C10orf90: variants seen among roughly 807,000 people sequenced by gnomAD.
The protein encoded by C10orf90 is chromosome 10 open reading frame 90.
In C10orf90, 56 loss-of-function variants were observed where a neutral mutation model predicts 62.5. That is an observed-to-expected ratio of 0.90 (90% CI 0.72 to 1.12). The LOEUF is 1.12. Among genes scored for constraint, C10orf90 ranks in the 50% most tolerant of loss-of-function variants. C10orf90 has a pLI of 0.00. For synonymous variants in C10orf90, 386 were observed against 340.4 expected (o/e 1.13, Z -1.47); for missense variants, 970 against 880.4 (o/e 1.10, Z -1.29).
chr10:126,609,129 G>A (rs1474277667), intron 2 of C10orf90, among the ~76,000 whole-genome samples: 6 of 152,170 alleles, frequency 3.9e-5, no homozygotes, highest in Non-Finnish European at 8.8e-5. Flanking sequence ...CAGGCCAGGC[G>A]TGGTGGCTCA....
At chr10:126,475,885 A>G (rs956594730) in intron 4 of C10orf90, among the ~76,000 whole-genome samples, 1 of 152,116 alleles carries the variant, frequency 6.6e-6, no homozygotes, top group African/African-American at 2.4e-5. Context: ...TCCCCTTTCT[A>G]ATATGTTTTT....
intron 1 of C10orf90, among the ~76,000 whole-genome samples, chr10:126,667,309 C>T (rs972413718): frequency 1.3e-5 from 2 of 152,072 alleles, no homozygotes; most frequent in Non-Finnish European, 2.9e-5. Context: ...CCACCCACCT[C>T]AGCCTCCCAA....
chr10:126,569,170 G>T (rs532707392), intron 2 of C10orf90, among the ~76,000 whole-genome samples: 1 of 152,172 alleles, frequency 6.6e-6, no homozygotes, highest in East Asian at 1.9e-4. Context: ...AATTCCAAGC[G>T]TGGCTGCCAG....
At chr10:126,522,518 G>A (rs1418331525) in intron 2 of C10orf90, among the ~76,000 whole-genome samples, 3 of 152,196 alleles carry the variant, frequency 2.0e-5, no homozygotes, top group Non-Finnish European at 4.4e-5. Context: ...AAATTTCACT[G>A]GATAATCTCA....
chr10:126,535,508 C>G (rs1284606295), intron 2 of C10orf90, among the ~76,000 whole-genome samples: 1 of 125,486 alleles, frequency 8.0e-6, no homozygotes, highest in Non-Finnish European at 1.7e-5. Flanking sequence ...CAGAGCCAGA[C>G]GCTGTCTCAA....
intron 1 of C10orf90, among the ~76,000 whole-genome samples, chr10:126,666,701 A>T (rs1217735330): frequency 1.3e-5 from 2 of 152,102 alleles, no homozygotes; most frequent in African/African-American, 4.8e-5. Context: ...CTATGAGGCC[A>T]GGCACGGTGG....
At chr10:126,537,964 A>T (rs1301195445) in intron 2 of C10orf90, among the ~76,000 whole-genome samples, 1 of 152,250 alleles carries the variant, frequency 6.6e-6, no homozygotes, top group Non-Finnish European at 1.5e-5. Flanking sequence ...ATTTAGAAAC[A>T]GACATACAGT....
At chr10:126,615,366 C>T (rs944193474) in intron 2 of C10orf90, among the ~76,000 whole-genome samples, 6 of 152,276 alleles carry the variant, frequency 3.9e-5, no homozygotes, top group East Asian at 1.9e-4. Flanking sequence ...ATACCCAAAA[C>T]CAGCAAAGGA....
At chr10:126,538,437 G>T (rs763562792) in intron 2 of C10orf90, among the ~76,000 whole-genome samples, 25 of 152,200 alleles carry the variant, frequency 1.6e-4, no homozygotes, top group Admixed American at 3.9e-4. Flanking sequence ...AGATTCTTCT[G>T]CATGGCCCTC....
intron 4 of C10orf90, among the ~76,000 whole-genome samples, chr10:126,465,607 T>C (rs1860242223): frequency 6.6e-6 from 1 of 152,184 alleles, no homozygotes; most frequent in African/African-American, 2.4e-5. Context: ...AGTTACGTAC[T>C]ATGGCGAATA....
intron 2 of C10orf90, among the ~76,000 whole-genome samples, chr10:126,514,203 A>C (rs1863302272): frequency 6.6e-6 from 1 of 152,142 alleles, no homozygotes; most frequent in Non-Finnish European, 1.5e-5. Context: ...ACTCAGTCAC[A>C]ATTGCATAAT....
intron 4 of C10orf90, among the ~76,000 whole-genome samples, chr10:126,496,024 C>A (rs1862033845): frequency 6.6e-6 from 1 of 152,196 alleles, no homozygotes. Context: ...ATTCCCAAGC[C>A]CGTGGTGCTT....
intron 2 of C10orf90, chr10:126,521,264 A>T: frequency 1.2e-6 from 2 of 1,606,158 alleles, no homozygotes; most frequent in Non-Finnish European, 1.7e-6. Context: ...ATATTTTAAT[A>T]AGGGTTATAT....
At chr10:126,561,618 G>A (rs763145565) in intron 2 of C10orf90, among the ~76,000 whole-genome samples, 3 of 152,136 alleles carry the variant, frequency 2.0e-5, no homozygotes, top group Non-Finnish European at 4.4e-5. Flanking sequence ...AGTCCGCAGT[G>A]CAATGAGGTT....
chr10:126,665,975 C>T (rs1009995991), intron 1 of C10orf90, among the ~76,000 whole-genome samples: 1 of 152,130 alleles, frequency 6.6e-6, no homozygotes, highest in African/African-American at 2.4e-5. Context: ...TATTTGGAAG[C>T]AATTTAGGTT....
intron 2 of C10orf90, among the ~76,000 whole-genome samples, chr10:126,616,813 A>T (rs556522841): frequency 6.6e-6 from 1 of 152,272 alleles, no homozygotes; most frequent in African/African-American, 2.4e-5. Flanking sequence ...CTCCTAACTG[A>T]ATCTCAGGCA....
chr10:126,497,140 G>C (rs1862104384), intron 4 of C10orf90, among the ~76,000 whole-genome samples: 1 of 152,184 alleles, frequency 6.6e-6, no homozygotes, highest in Non-Finnish European at 1.5e-5. Context: ...GGAGGTGCCA[G>C]GGCCCTGCTT....
chr10:126,635,614 G>A (rs1459002732), intron 2 of C10orf90, among the ~76,000 whole-genome samples: 3 of 152,166 alleles, frequency 2.0e-5, no homozygotes, highest in East Asian at 1.9e-4. Flanking sequence ...CAATGAGAAA[G>A]CAATCAGTGT....
At chr10:126,530,238 CA>C (rs892835673) in intron 2 of C10orf90, among the ~76,000 whole-genome samples, 1 of 149,912 alleles carries the variant, frequency 6.7e-6, no homozygotes, top group Non-Finnish European at 1.5e-5. Flanking sequence ...AAAAGCAAAC[CA>C]AAATAAGAAT....
Sources: allele counts gnomAD v4.1 joint callset (sites outside exome capture counted in the v4.1 genomes callset), GRCh38; gene constraint gnomAD v4.1.1; transcripts MANE v1.5; gene names NCBI Gene and HGNC (gene_info 2026-07-23, HGNC 2026-07-21).